The following PLD3 variants were observed in gnomAD, a reference collection of about 807,000 sequenced individuals.
The protein encoded by PLD3 is 5'-3' exonuclease PLD3.
PLD3 carries 31 observed loss-of-function variants against 58.4 expected under a neutral mutation model. The ratio of observed to expected loss-of-function variants is 0.53; its 90% CI spans 0.40 to 0.72. PLD3 has a LOEUF of 0.72. Among genes scored for constraint, PLD3 ranks in the 30% least tolerant of loss-of-function variants. The pLI is 0.00. For synonymous variants in PLD3, 264 were observed against 273.4 expected (o/e 0.97, Z 0.34); for missense variants, 595 against 659.8 (o/e 0.90, Z 1.08).
At chr19:40,361,311 A>G (rs2078776843) in intron 1 of PLD3, among the ~76,000 whole-genome samples, 1 of 151,948 alleles carries the variant, frequency 6.6e-6, no homozygotes. Context: ...GGGTTTCTCC[A>G]TGTTGGTCAG....
rs376407550 is a variant in PLD3, at chr19:40,378,106, A to T, written c.1406A>T (p.Asp469Val). 1 of 1,613,244 alleles carries T rather than the reference A, an allele frequency of 6.2e-7. No homozygotes were observed. Among genetic ancestry groups the T allele is most frequent in the Non-Finnish European group, 8.5e-7 (1 of 1,179,788 alleles). The change falls in exon 13 of 13, where the codon GAC (aspartate) becomes GTC (valine). Residue 469 changes from aspartate (D) to valine (V), a missense_variant. By Grantham distance (152) the Asp-to-Val change is radical. Transcript: ENST00000409735. ...GAGGCCATTTTCCTGAGGGACTGGG[A>T]CTCCCCTTACAGCCATGACCTTGAC... Reference protein sequence around the residue: ...QLEAIFLRDWDSPYSHDLDTS... With the variant: ...QLEAIFLRDWVSPYSHDLDTS...
At chr19:40,362,846 T>C (rs2078820935) in intron 1 of PLD3, among the ~76,000 whole-genome samples, 1 of 152,356 alleles carries the variant, frequency 6.6e-6, no homozygotes, top group East Asian at 1.9e-4. Flanking sequence ...CTGTAATCAC[T>C]GTACAATTTG....
Position 40,369,967 on chromosome 19 carries a change from C to T in PLD3, c.489C>T (p.Ile163=), listed in dbSNP as rs200529365. The T allele has an allele frequency of 9.6e-6, 15 of 1,561,512 alleles. No homozygotes were observed. The highest frequency in any genetic ancestry group is 3.5e-5 in the South Asian group (3 of 85,130). The change falls in exon 7 of 13, where the codon ATC becomes ATT. Residue 163 remains isoleucine (I), a synonymous_variant. Coordinates refer to ENST00000409735, the MANE Select transcript of PLD3 (RefSeq NM_012268.4). ...TLAPKGVNVR[I]AVSKPSGPQP... is the part of the protein sequence containing the mutation. Reference sequence around the variant, plus strand: ...CACCAAAGGGCGTGAACGTCCGCATCGCTGTGAGCAAGCCCAGCGGGCCCC... The same window carrying T: ...CACCAAAGGGCGTGAACGTCCGCATTGCTGTGAGCAAGCCCAGCGGGCCCC...
chr19:40,349,261 C>G (rs2078419966), intron 1 of PLD3, among the ~76,000 whole-genome samples: 1 of 152,140 alleles, frequency 6.6e-6, no homozygotes, highest in Non-Finnish European at 1.5e-5. Context: ...CGCGCTAATG[C>G]AACTCTTACG....
Position 40,370,122 on chromosome 19 carries a change from G to T in PLD3, c.563G>T (p.Arg188Leu). The T allele has an allele frequency of 1.2e-6, 2 of 1,611,526 alleles. No individual in the cohort carries two copies. Among genetic ancestry groups the T allele is most frequent in the Non-Finnish European group, 1.7e-6 (2 of 1,178,920 alleles). The change falls in exon 8 of 13, where the codon CGC (arginine) becomes CTC (leucine). Residue 188 changes from arginine (R) to leucine (L), a missense_variant. Arg to Leu is a moderately radical substitution (Grantham distance 102, BLOSUM62 -2). Coordinates refer to ENST00000409735, the MANE Select transcript of PLD3 (RefSeq NM_012268.4). ...CTGCTGGTCACAGGTGCCCAGGTCC[G>T]CATGGTGGACATGCAGAAGCTGACC... ...QALLQSGAQV[R>L]MVDMQKLTHG...
At chr19:40,372,356 G>T (rs2079086294) in intron 9 of PLD3, among the ~76,000 whole-genome samples, 2 of 151,894 alleles carry the variant, frequency 1.3e-5, no homozygotes, top group South Asian at 2.1e-4. Context: ...AACTAGCTGG[G>T]TTGGGTTGTG....
At chr19:40,373,993 A>C (rs919346559) in intron 9 of PLD3, among the ~76,000 whole-genome samples, 2 of 144,760 alleles carry the variant, frequency 1.4e-5, no homozygotes, top group African/African-American at 5.1e-5. Flanking sequence ...CTCCATCTCA[A>C]AAAAAAAAAA....
chr19:40,366,596 G>T lies in PLD3; in HGVS notation c.28-14G>T, dbSNP rs932917573. ...AGAGCCACCTGTCACCCCCGTTGTT[G>T]TCCCCATCCCCAGCTGAAGGTGCCT... On this transcript the variant is annotated splice_polypyrimidine_tract_variant and intron_variant, in intron 3 of 12. Coordinates refer to ENST00000409735, the MANE Select transcript of PLD3 (RefSeq NM_012268.4). The T allele has an allele frequency of 1.3e-6, 2 of 1,577,946 alleles. No individual in the cohort carries two copies. Among genetic ancestry groups the T allele is most frequent in the Non-Finnish European group, 1.7e-6 (2 of 1,160,550 alleles).
chr19:40,373,165 G>A (rs2079107457), intron 9 of PLD3, among the ~76,000 whole-genome samples: 1 of 152,314 alleles, frequency 6.6e-6, no homozygotes, highest in South Asian at 2.1e-4. Context: ...AGGCGTGGAC[G>A]TAGGGAAGTG....
At position 40,366,672 on chromosome 19, in the gene PLD3, G is replaced by A. The variant is rs2078930390; in HGVS notation, c.90G>A (p.Lys30=). 4.4e-6 allele frequency: 7 copies of A among 1,604,696 alleles called. No homozygotes were observed. The highest frequency in any genetic ancestry group is 1.1e-5 in the South Asian group (1 of 90,396). ...CCATGAATGAGATTGAGGCGTGGAAGGCTGCGGAAAAGGTAGGAGCCCTCC... is the reference window on the plus strand; with the variant it reads ...CCATGAATGAGATTGAGGCGTGGAAAGCTGCGGAAAAGGTAGGAGCCCTCC... ...ELPMNEIEAW[K]AAEKKARWVL... The change falls in exon 4 of 13, where the codon AAG becomes AAA. Residue 30 remains lysine (K), a synonymous_variant. Coordinates refer to ENST00000409735, the MANE Select transcript of PLD3 (RefSeq NM_012268.4).
At chr19:40,363,901 G>C (rs550249539) in intron 1 of PLD3, among the ~76,000 whole-genome samples, 1 of 152,212 alleles carries the variant, frequency 6.6e-6, no homozygotes, top group Non-Finnish European at 1.5e-5. Flanking sequence ...AGCTCTGAGA[G>C]TTTTCTTTTT....
intron 1 of PLD3, among the ~76,000 whole-genome samples, chr19:40,362,836 C>G (rs769212977): frequency 4.6e-5 from 7 of 152,146 alleles, no homozygotes; most frequent in Non-Finnish European, 8.8e-5. Flanking sequence ...CATTACAGAC[C>G]TGTAATCACT....
chr19:40,373,260 G>C (rs925529775), intron 9 of PLD3, among the ~76,000 whole-genome samples: 3 of 152,114 alleles, frequency 2.0e-5, no homozygotes, highest in Non-Finnish European at 4.4e-5. Context: ...TAGAGCCTCA[G>C]TTTCCTTGTC....
rs1189492555 is a variant in PLD3 at position 40,377,969 on chromosome 19, C to T, written c.1286-17C>T. On this transcript the variant is annotated splice_polypyrimidine_tract_variant and intron_variant, in intron 12 of 12. Transcript: ENST00000409735. ...GCCCCCCGAGGGTGCCCTTATGCTCCACCCATTCCTCTCTAGGAACCTCCA... is the reference window on the plus strand; with the variant it reads ...GCCCCCCGAGGGTGCCCTTATGCTCTACCCATTCCTCTCTAGGAACCTCCA... 6.2e-7 allele frequency: 1 copy of T among 1,612,090 alleles called. No individual in the cohort carries two copies. Among genetic ancestry groups the T allele is most frequent in the Non-Finnish European group, 8.5e-7 (1 of 1,178,622 alleles).
intron 1 of PLD3, among the ~76,000 whole-genome samples, chr19:40,353,223 A>C (rs191122950): frequency 6.6e-6 from 1 of 152,194 alleles, no homozygotes; most frequent in Admixed American, 6.6e-5. Flanking sequence ...CGAGGTCAGG[A>C]GTTCGAGACC....
Position 40,370,046 on chromosome 19 carries a change from TG to T in PLD3, c.550+22del, listed in dbSNP as rs781526171. The T allele has an allele frequency of 1.9e-6, 3 of 1,569,480 alleles. No individual in the cohort carries two copies. The East Asian group carries it at 7.1e-5, about 37-fold the overall frequency. On this transcript the variant is annotated intron_variant, in intron 7 of 12. Transcript: ENST00000409735. Reference sequence around the variant, plus strand: ...GCAGAGCGGTGAGCTGGGGCCCAACTGGGGCTGGTCTGGGCCTGGGGGTACC... The same window carrying T: ...GCAGAGCGGTGAGCTGGGGCCCAACTGGGCTGGTCTGGGCCTGGGGGTACC...
chr19:40,350,793 G>T (rs938972834), intron 1 of PLD3, among the ~76,000 whole-genome samples: 1 of 151,928 alleles, frequency 6.6e-6, no homozygotes, highest in Non-Finnish European at 1.5e-5. Context: ...ACACTCTAGT[G>T]GGGGTAAGAG....
rs545398724 is a variant in PLD3, at chr19:40,376,224, G to A, written c.1020-385G>A. On this transcript the variant is annotated intron_variant, in intron 10 of 12. Transcript: ENST00000409735. The stretch of plus-strand genomic sequence containing the variant: ...TACAAAATTAGCCAGGCGTGGTAGC[G>A]CATGCCTGTAATCCTAGCTACCCGG... 403 of 175,126 alleles carry A rather than the reference G, an allele frequency of 2.3e-3. 1 individual carries two copies. Among genetic ancestry groups the A allele is most frequent in the African/African-American group, 9.1e-3 (384 of 42,188 alleles). 10.8% of individuals were successfully genotyped at this position (175,126 alleles called of 1,614,324 possible). A position where few individuals can be genotyped will look rare whatever the true frequency, so the allele number is the denominator to read the frequency against.
intron 11 of PLD3, 41 bp downstream of exon 11, chr19:40,376,815 G>T (rs1365511469): frequency 4.5e-6 from 7 of 1,569,198 alleles, no homozygotes; most frequent in Non-Finnish European, 8.6e-7. Flanking sequence ...CCTGTGTGGG[G>T]CAGTCCTAGG....
Sources: allele counts gnomAD v4.1 joint callset (sites outside exome capture counted in the v4.1 genomes callset), GRCh38; gene constraint gnomAD v4.1.1; transcripts MANE v1.5; gene names NCBI Gene and HGNC (gene_info 2026-07-23, HGNC 2026-07-21).